The following COQ8A variants were observed in gnomAD, a reference collection of about 807,000 sequenced individuals.
The protein encoded by COQ8A is atypical kinase COQ8A, mitochondrial.
A neutral mutation model predicts 65.0 loss-of-function variants in COQ8A; 51 were observed. The ratio of observed to expected loss-of-function variants is 0.78; its 90% confidence interval spans 0.63 to 0.99. The LOEUF (loss-of-function observed/expected upper bound fraction) is 0.99. COQ8A is among the 50% of genes least tolerant of loss of function. The probability of loss-of-function intolerance (pLI) is 0.00; values close to 1 mark genes in which losing one functional copy is unlikely to be tolerated. For synonymous variants in COQ8A, 371 were observed against 353.2 expected (o/e 1.05, Z -0.57); for missense variants, 940 against 875.0 (o/e 1.07, Z -0.94).
At chr1:226,958,936 G>A (rs1270686767) in intron 1 of COQ8A, among the ~76,000 whole-genome samples, 16 of 152,152 alleles carry the variant, frequency 1.1e-4, no homozygotes, top group Non-Finnish European at 7.3e-5. Flanking sequence ...ATGAAGTCAC[G>A]GTGCTGATAG....
chr1:226,954,531 A>C (rs1657574075), intron 1 of COQ8A, among the ~76,000 whole-genome samples: 1 of 152,168 alleles, frequency 6.6e-6, no homozygotes, highest in Non-Finnish European at 1.5e-5. Context: ...GTGGCCCAGC[A>C]CTCTGGACTC....
At chr1:226,976,056 C>A (rs4570388) in intron 4 of COQ8A, among the ~76,000 whole-genome samples, 3,956 of 150,926 alleles carry the variant, frequency 0.026, 78 homozygotes, top group Non-Finnish European at 0.041. Flanking sequence ...GCCTGGCTGC[C>A]GGGCAGTGGG....
At chr1:226,974,955 A>G (rs890118046) in intron 4 of COQ8A, 7 of 152,364 alleles carry the variant, frequency 4.6e-5, no homozygotes, top group East Asian at 1.9e-4. Context: ...GAGGAGCTCA[A>G]TGTGGCCCAC....
Position 226,983,561 on chromosome 1 carries a change from G to A in COQ8A, c.1090G>A (p.Val364Met), listed in dbSNP as rs371269974. 41 of 1,613,746 alleles carry A rather than the reference G, an allele frequency of 2.5e-5. No individual in the cohort carries two copies. The highest frequency in any genetic ancestry group is 1.1e-4 in the South Asian group (10 of 91,092). ...EVAMKIQYPG[V>M]AQSINSDVNN... ...ACCCATACCCCCACAGTACCCTGGC[G>A]TGGCCCAGAGCATCAACAGTGATGT... The change falls in exon 9 of 15, where the codon GTG becomes ATG. Residue 364 changes from valine (V) to methionine (M), a missense_variant. Coordinates refer to ENST00000366777, the MANE Select transcript of COQ8A (RefSeq NM_020247.5).
In COQ8A at chr1:226,965,287, C is replaced by T. The variant is rs1470064289; in HGVS notation, c.465C>T (p.Ala155=). 1 of 1,613,966 alleles carries T rather than the reference C, an allele frequency of 6.2e-7. No individual in the cohort carries two copies. Among genetic ancestry groups the T allele is most frequent in the Non-Finnish European group, 8.5e-7 (1 of 1,180,016 alleles). ...LFANPRDSFS[A]MGFQRRFFHQ... is the part of the protein sequence containing the mutation. ...CAAACCCCAGAGACTCATTCTCTGC[C>T]ATGGGCTTTCAGCGAAGGTTCTTCC... The change falls in exon 3 of 15, where the codon GCC becomes GCT. Residue 155 remains alanine (A), a synonymous_variant. Transcript: ENST00000366777.
chr1:226,956,130 T>A (rs867346832), intron 1 of COQ8A, among the ~76,000 whole-genome samples: 1 of 139,046 alleles, frequency 7.2e-6, no homozygotes, highest in East Asian at 2.2e-4. Context: ...TGGTTCACAC[T>A]CTCCCTGGTT....
chr1:226,960,325 GGTATCA>G (rs1266236241), intron 1 of COQ8A, among the ~76,000 whole-genome samples: 5 of 126,544 alleles, frequency 4.0e-5, no homozygotes, highest in Non-Finnish European at 3.4e-5. Context: ...ACTTGGTGGT[GGTATCA>G]GTGGTACTTG....
intron 2 of COQ8A, among the ~76,000 whole-genome samples, 180 bp from the exon 3 acceptor site, chr1:226,964,820 G>T (rs1361170176): frequency 6.6e-6 from 1 of 152,222 alleles, no homozygotes; most frequent in Non-Finnish European, 1.5e-5. Context: ...CAGGGCTGGA[G>T]CCCAGGTCCC....
At position 226,983,686 on chromosome 1, in the gene COQ8A, G is replaced by A. The variant is rs997124676; in HGVS notation, c.1162+53G>A. The A allele has an allele frequency of 5.0e-6, 8 of 1,612,384 alleles. No individual in the cohort carries two copies. The African/African-American group carries it at 1.1e-4, about 22-fold the overall frequency. On this transcript the variant is annotated intron_variant, in intron 9 of 14. Transcript: ENST00000366777. ...GCAGGAGTGGGTGGCAGGCATCTGT[G>A]TTGGGTTCTGGGGACCAGAGGGGGT...
intron 1 of COQ8A, among the ~76,000 whole-genome samples, chr1:226,951,189 G>A (rs1002432838): frequency 1.6e-4 from 24 of 152,326 alleles, no homozygotes; most frequent in African/African-American, 5.5e-4. Context: ...CCACACCCAC[G>A]TCAGTGCTTG....
At position 226,978,243 on chromosome 1, in the gene COQ8A, AC is replaced by A. The variant is rs1437287130; in HGVS notation, c.730+722del. On this transcript the variant is annotated intron_variant, in intron 5 of 14. Transcript: ENST00000366777. Reference sequence around the variant, plus strand: ...CACCCTCTACACACCCACCACACACACCTGCTTACACAGCCTCCGCACCCAC... The same window carrying A: ...CACCCTCTACACACCCACCACACACACTGCTTACACAGCCTCCGCACCCAC... Among the ~76,000 whole-genome samples the A allele has an allele frequency of 3.9e-5, 3 of 76,528 alleles. No homozygotes were observed. In the East Asian group the frequency reaches 1.4e-3, roughly 36 times the overall value. The allele number at this position is 76,528 out of a possible 152,430, so 50.2% of individuals were successfully genotyped here.
intron 4 of COQ8A, among the ~76,000 whole-genome samples, chr1:226,976,071 T>C (rs1387345809): frequency 1.3e-5 from 2 of 148,502 alleles, no homozygotes; most frequent in Admixed American, 6.7e-5. Flanking sequence ...AGTGGGGCTG[T>C]GGCGCTGCGA....
intron 14 of COQ8A, among the ~76,000 whole-genome samples, chr1:226,985,776 G>C (rs3768419): frequency 0.4 from 61,465 of 152,056 alleles, 13,304 homozygotes; most frequent in Non-Finnish European, 0.5. Flanking sequence ...TTTTCCGCTT[G>C]CTGCTTGACA....
chr1:226,985,972 C>T (rs1487867917), intron 14 of COQ8A, among the ~76,000 whole-genome samples: 1 of 152,190 alleles, frequency 6.6e-6, no homozygotes, highest in African/African-American at 2.4e-5. Flanking sequence ...CCGCCCCGTC[C>T]CTCTGACCAC....
At chr1:226,969,220 G>C (rs1178384819) in intron 4 of COQ8A, among the ~76,000 whole-genome samples, 1 of 152,178 alleles carries the variant, frequency 6.6e-6, no homozygotes, top group African/African-American at 2.4e-5. Context: ...TGCTATGATT[G>C]TGGATTTACC....
intron 1 of COQ8A, among the ~76,000 whole-genome samples, chr1:226,942,656 C>G (rs765383805): frequency 2.0e-5 from 3 of 152,166 alleles, no homozygotes; most frequent in Non-Finnish European, 4.4e-5. Context: ...GGGCCTGCAT[C>G]TTCAGGGAGT....
chr1:226,973,947 T>A (rs934302812), intron 4 of COQ8A, among the ~76,000 whole-genome samples: 2 of 152,344 alleles, frequency 1.3e-5, no homozygotes, highest in East Asian at 1.9e-4. Flanking sequence ...GCCTAGTTTC[T>A]GGCAGGTAAA....
chr1:226,978,470 C>T (rs1373625499), intron 5 of COQ8A, among the ~76,000 whole-genome samples: 1 of 149,380 alleles, frequency 6.7e-6, no homozygotes, highest in Non-Finnish European at 1.5e-5. Context: ...TCCACACCCA[C>T]CAAATACCTG....
rs1465337598 is a variant in COQ8A at position 226,987,259 on chromosome 1, C to T, written c.*522C>T. Reference sequence around the variant, plus strand: ...CAGTGCCAACAAGTGCTCCTTAAGCCTGCGAGGCCCAGGCCTGTGGGGCTG... The same window carrying T: ...CAGTGCCAACAAGTGCTCCTTAAGCTTGCGAGGCCCAGGCCTGTGGGGCTG... On this transcript the variant is annotated 3_prime_UTR_variant, in exon 15 of 15. Coordinates refer to ENST00000366777, the MANE Select transcript of COQ8A (RefSeq NM_020247.5). The T allele has an allele frequency of 6.1e-6, 1 of 163,486 alleles. No homozygotes were observed. Among genetic ancestry groups the T allele is most frequent in the Admixed American group, 5.9e-5 (1 of 16,898 alleles). The allele number at this position is 163,486 out of a possible 1,614,324, so 10.1% of individuals were successfully genotyped here. A position where few individuals can be genotyped will look rare whatever the true frequency, so the allele number is the denominator to read the frequency against.
Sources: allele counts gnomAD v4.1 joint callset (sites outside exome capture counted in the v4.1 genomes callset), GRCh38; gene constraint gnomAD v4.1.1; transcripts MANE v1.5; gene names NCBI Gene and HGNC (gene_info 2026-07-23, HGNC 2026-07-21).